The following CEP162 variants were observed in gnomAD, a reference collection of about 807,000 sequenced individuals.
CEP162 encodes centrosomal protein of 162 kDa.
A neutral mutation model predicts 169.2 loss-of-function variants in CEP162; 141 were observed. The observed-to-expected ratio is 0.83, with a 90% CI of 0.73 to 0.96. CEP162 has a LOEUF of 0.96. CEP162 is among the 40% of genes least tolerant of loss of function. The pLI is 0.00. For missense variants in CEP162, 1,600 were observed against 1,587.2 expected, an observed-to-expected ratio of 1.01 and a Z score of -0.14; for synonymous variants, 540 against 526.4, an observed-to-expected ratio of 1.03 and a Z score of -0.35.
chr6:84,180,717 C>A (rs1445377148), intron 13 of CEP162, among the ~76,000 whole-genome samples: 2 of 151,810 alleles, frequency 1.3e-5, no homozygotes, highest in African/African-American at 2.4e-5. Flanking sequence ...AAACAGAGAG[C>A]CAAATCATGA....
At chr6:84,189,556 G>A (rs959809112) in intron 11 of CEP162, among the ~76,000 whole-genome samples, 1 of 152,202 alleles carries the variant, frequency 6.6e-6, no homozygotes, top group Non-Finnish European at 1.5e-5. Context: ...AGCAGTGCTG[G>A]CCCACCGGCG....
Position 84,149,577 on chromosome 6 carries a change from T to G in CEP162, c.3756A>C (p.Lys1252Asn), listed in dbSNP as rs374289223. 22 of 1,594,006 alleles carry G rather than the reference T, an allele frequency of 1.4e-5. No homozygotes were observed. The African/African-American group carries it at 2.7e-4, about 20-fold the overall frequency. ...SSSKVAELNR[K>N]IATQEVLIRH... Reference sequence around the variant, plus strand: ...TGTCATCTACCTCTTGAGTTGCTATTTTACGATTTAGTTCAGCTACTTTGG... The same window carrying G: ...TGTCATCTACCTCTTGAGTTGCTATGTTACGATTTAGTTCAGCTACTTTGG... Residue 1252 changes from lysine (K) to asparagine (N), a missense_variant, in exon 24 of 27, where the codon AAA becomes AAC. Physicochemically the swap from Lys to Asn is moderately conservative, Grantham distance 94 (BLOSUM62 0). Transcript: ENST00000403245.
chr6:84,179,168 A>G (rs2099533670), intron 13 of CEP162, among the ~76,000 whole-genome samples: 1 of 152,220 alleles, frequency 6.6e-6, no homozygotes, highest in Non-Finnish European at 1.5e-5. Flanking sequence ...TCCTTTGGGT[A>G]TATACCCAGT....
At chr6:84,181,473 A>G (rs899084612) in intron 13 of CEP162, among the ~76,000 whole-genome samples, 1 of 152,230 alleles carries the variant, frequency 6.6e-6, no homozygotes, top group Non-Finnish European at 1.5e-5. Context: ...CACCAAAAGC[A>G]ATGGCAACAA....
chr6:84,124,318 T>C lies in CEP162; in HGVS notation c.*752A>G, dbSNP rs952772481. The stretch of plus-strand genomic sequence containing the variant: ...AATTCATGGAACCAACCTAAGTATC[T>C]ACCAACAATTGACTGGATAAAGAAA... On this transcript the variant is annotated 3_prime_UTR_variant, in exon 27 of 27. Coordinates refer to ENST00000403245, the MANE Select transcript of CEP162 (RefSeq NM_014895.4). The C allele has an allele frequency of 1.3e-5, 2 of 152,014 alleles. No homozygotes were observed. The highest frequency in any genetic ancestry group is 4.8e-5 in the African/African-American group (2 of 41,390). The allele number at this position is 152,014 out of a possible 1,614,324, so 9.4% of individuals were successfully genotyped here.
At chr6:84,193,957 C>T (rs1000202527) in intron 10 of CEP162, among the ~76,000 whole-genome samples, 1 of 152,014 alleles carries the variant, frequency 6.6e-6, no homozygotes, top group Admixed American at 6.6e-5. Context: ...TTTGGTTGAT[C>T]CTGAAATACT....
chr6:84,195,551 T>C (rs1287175250), intron 9 of CEP162, among the ~76,000 whole-genome samples: 1 of 152,250 alleles, frequency 6.6e-6, no homozygotes, highest in Non-Finnish European at 1.5e-5. Flanking sequence ...AGCAATTTCC[T>C]AATGACCAAC....
At chr6:84,170,882 T>C (rs926974121) in intron 17 of CEP162, among the ~76,000 whole-genome samples, 2 of 152,200 alleles carry the variant, frequency 1.3e-5, no homozygotes, top group Non-Finnish European at 2.9e-5. Context: ...CCTGCCATGA[T>C]AAATGCTGGC....
At chr6:84,160,329 G>A (rs1190740376) in intron 21 of CEP162, among the ~76,000 whole-genome samples, 2 of 152,126 alleles carry the variant, frequency 1.3e-5, no homozygotes, top group Non-Finnish European at 2.9e-5. Flanking sequence ...CACAAAATGA[G>A]TATTTCTAAG....
intron 7 of CEP162, among the ~76,000 whole-genome samples, chr6:84,202,980 C>A (rs989658720): frequency 2.0e-5 from 3 of 152,114 alleles, no homozygotes; most frequent in African/African-American, 7.2e-5. Flanking sequence ...TCCACGTTTT[C>A]ATTCATGTTA....
At chr6:84,214,833 T>C (rs1012438002) in intron 5 of CEP162, among the ~76,000 whole-genome samples, 3 of 152,224 alleles carry the variant, frequency 2.0e-5, no homozygotes, top group Non-Finnish European at 4.4e-5. Flanking sequence ...GTGGGATTTC[T>C]AGAATAAATG....
chr6:84,152,770 G>A lies in CEP162; in HGVS notation c.3404C>T (p.Ala1135Val). 6.2e-7 allele frequency: 1 copy of A among 1,613,400 alleles called. No individual in the cohort carries two copies. The highest frequency in any genetic ancestry group is 8.5e-7 in the Non-Finnish European group (1 of 1,179,688). The change falls in exon 23 of 27, where the codon GCA becomes GTA. Residue 1135 changes from alanine to valine, a missense_variant. By Grantham distance (64) the Ala-to-Val change is moderately conservative (BLOSUM62 0). Coordinates refer to ENST00000403245, the MANE Select transcript of CEP162 (RefSeq NM_014895.4). ...KGREEMSAKRAKKDVLHSSKG... is the reference protein window; with the variant it reads ...KGREEMSAKRVKKDVLHSSKG... ...ACTTGAGTGCAAAACATCTTTCTTT[G>A]CCCTTTTGGCAGACATTTCCTCTCT... is the stretch of plus-strand genomic sequence containing the variant.
intron 11 of CEP162, among the ~76,000 whole-genome samples, chr6:84,189,612 A>T (rs1159031716): frequency 5.3e-5 from 8 of 152,202 alleles, no homozygotes; most frequent in Non-Finnish European, 1.0e-4. Flanking sequence ...CCCACAGGGC[A>T]GGGCTCGGGA....
At chr6:84,224,264 C>T (rs545470429) in intron 2 of CEP162, among the ~76,000 whole-genome samples, 72 of 152,200 alleles carry the variant, frequency 4.7e-4, no homozygotes, top group African/African-American at 1.7e-3. Flanking sequence ...AAACATCATG[C>T]TAAGTACAAG....
chr6:84,137,326 C>T (rs548559078), intron 25 of CEP162, among the ~76,000 whole-genome samples: 16 of 152,114 alleles, frequency 1.1e-4, no homozygotes, highest in Non-Finnish European at 1.3e-4. Context: ...AGCCTTACAA[C>T]GGCAAGTCAA....
At chr6:84,170,176 A>T (rs2099529440) in intron 17 of CEP162, among the ~76,000 whole-genome samples, 1 of 152,046 alleles carries the variant, frequency 6.6e-6, no homozygotes, top group South Asian at 2.1e-4. Context: ...GATAGAGACC[A>T]TCCTGGCTAA....
intron 18 of CEP162, among the ~76,000 whole-genome samples, chr6:84,163,829 G>A (rs1165138738): frequency 6.6e-6 from 1 of 151,832 alleles, no homozygotes; most frequent in Non-Finnish European, 1.5e-5. Flanking sequence ...GCCAGGCAAG[G>A]TGGTGCCCGC....
intron 11 of CEP162, among the ~76,000 whole-genome samples, chr6:84,192,729 C>T (rs1009198120): frequency 1.3e-5 from 2 of 152,174 alleles, no homozygotes; most frequent in African/African-American, 4.8e-5. Context: ...GATCAAAGAC[C>T]TGACAATGTA....
chr6:84,185,388 A>G lies in CEP162; in HGVS notation c.1462T>C (p.Tyr488His). 1.2e-6 allele frequency: 2 copies of G among 1,613,454 alleles called. No individual in the cohort carries two copies. The highest frequency in any genetic ancestry group is 2.2e-5 in the East Asian group (1 of 44,828). ...GGAGGTGCACTTCTGGCCTTCTTGT[A>G]TGGTACCTGTTTACCCATTACAGCC... ...EGAVMGKQVPYKKARSAPPLL... is the reference protein window; with the variant it reads ...EGAVMGKQVPHKKARSAPPLL... Residue 488 changes from tyrosine (Y) to histidine (H), a missense_variant, in exon 13 of 27, where the codon TAC becomes CAC. By Grantham distance (83) the Tyr-to-His change is moderately conservative. Transcript: ENST00000403245.
Sources: allele counts gnomAD v4.1 joint callset (sites outside exome capture counted in the v4.1 genomes callset), GRCh38; gene constraint gnomAD v4.1.1; transcripts MANE v1.5; gene names NCBI Gene and HGNC (gene_info 2026-07-23, HGNC 2026-07-21).